ERBIN: variants seen among roughly 807,000 people sequenced by gnomAD.
ERBIN encodes densin-180-like protein.
In ERBIN, 60 loss-of-function variants were observed where a neutral mutation model predicts 158.4. That is an observed-to-expected ratio of 0.38 (90% CI 0.31 to 0.47). The LOEUF (loss-of-function observed/expected upper bound fraction) is 0.47. ERBIN is among the 20% of genes least tolerant of loss of function. ERBIN has a pLI of 0.99. For missense variants in ERBIN, 1,610 were observed against 1,648.0 expected (o/e 0.98, Z 0.40); for synonymous variants, 594 against 557.2 (o/e 1.07, Z -0.93).
intron 19 of ERBIN, among the ~76,000 whole-genome samples, chr5:66,049,165 G>A (rs1758769438): frequency 6.6e-6 from 1 of 152,036 alleles, no homozygotes; most frequent in African/African-American, 2.4e-5. Context: ...TTTTAGCACA[G>A]TACCTTATGT....
intron 21 of ERBIN, among the ~76,000 whole-genome samples, chr5:66,070,126 C>T (rs763448735): frequency 7.9e-5 from 12 of 152,028 alleles, no homozygotes; most frequent in Non-Finnish European, 1.3e-4. Flanking sequence ...CTCACTGCAA[C>T]CTCCGCCTCC....
chr5:65,958,557 C>A (rs1339288120), intron 1 of ERBIN, among the ~76,000 whole-genome samples: 1 of 149,670 alleles, frequency 6.7e-6, no homozygotes, highest in African/African-American at 2.5e-5. Context: ...TTGCAGTGAG[C>A]AGAAATGGCA....
At chr5:66,069,198 T>G (rs1011774278) in intron 21 of ERBIN, among the ~76,000 whole-genome samples, 1 of 152,258 alleles carries the variant, frequency 6.6e-6, no homozygotes, top group Admixed American at 6.5e-5. Context: ...ATTCATTATC[T>G]CCTGAGTTTC....
chr5:65,992,800 G>C lies in ERBIN; in HGVS notation c.82G>C (p.Asp28His). 6.2e-7 allele frequency: 1 copy of C among 1,613,500 alleles called. No individual in the cohort carries two copies. Among genetic ancestry groups the C allele is most frequent in the Non-Finnish European group, 8.5e-7 (1 of 1,179,552 alleles). ...RGEEETVTTL[D>H]YSHCSLEQVP... ...GGAAGAGGAGACTGTCACTACTCTT[G>C]ATTATTCTCATTGCAGCTTAGAACA... The change falls in exon 3 of 26, where the codon GAT (aspartate) becomes CAT (histidine). Residue 28 changes from aspartate (D) to histidine (H), a missense_variant. By Grantham distance (81) the Asp-to-His change is moderately conservative (BLOSUM62 -1). Transcript: ENST00000284037.
At chr5:66,038,230 A>G (rs535915249) in intron 14 of ERBIN, among the ~76,000 whole-genome samples, 153 bp from the exon 15 acceptor site, 220 of 152,286 alleles carry the variant, frequency 1.4e-3, no homozygotes, top group Middle Eastern at 3.4e-3. Flanking sequence ...TATCAAATCA[A>G]TGCCTAAAGT....
chr5:66,017,040 A>G (rs1754821087), intron 7 of ERBIN, among the ~76,000 whole-genome samples: 1 of 151,946 alleles, frequency 6.6e-6, no homozygotes, highest in South Asian at 2.1e-4. Flanking sequence ...AGCCTCTTTT[A>G]TGGCTGAATA....
chr5:66,041,267 A>C (rs1364648257), intron 15 of ERBIN, among the ~76,000 whole-genome samples: 1 of 152,026 alleles, frequency 6.6e-6, no homozygotes, highest in East Asian at 1.9e-4. Context: ...TGTAGTGGTC[A>C]AAGAGGTGGA....
At position 65,960,544 on chromosome 5, in the gene ERBIN, A is replaced by C. The variant is rs139286543; in HGVS notation, c.-57-28091A>C. Reference sequence around the variant, plus strand: ...TCTAGAGATTCTAATTTAATTGGTTAAGGGTGTTGGCCTGGGCATAGATGA... The same window carrying C: ...TCTAGAGATTCTAATTTAATTGGTTCAGGGTGTTGGCCTGGGCATAGATGA... On this transcript the variant is annotated intron_variant, in intron 1 of 25. Coordinates refer to ENST00000284037, the MANE Select transcript of ERBIN (RefSeq NM_001253697.2). 5.3e-3 allele frequency among the ~76,000 whole-genome samples: 812 copies of C among 152,326 alleles called. 8 individuals are homozygous for C. The highest frequency in any genetic ancestry group is 0.01 in the Middle Eastern group (3 of 294).
intron 21 of ERBIN, among the ~76,000 whole-genome samples, chr5:66,070,885 A>G (rs977135229): frequency 2.0e-5 from 3 of 152,326 alleles, no homozygotes; most frequent in African/African-American, 7.2e-5. Flanking sequence ...TAATTTTTCA[A>G]TATGATGATG....
At position 66,054,638 on chromosome 5, in the gene ERBIN, A is replaced by T. The variant is rs201110697; in HGVS notation, c.3320A>T (p.Tyr1107Phe). 5 of 1,614,016 alleles carry T rather than the reference A, an allele frequency of 3.1e-6. No homozygotes were observed. The highest frequency in any genetic ancestry group is 1.7e-5 in the Admixed American group (1 of 59,976). ...ATTCCTGAAGGAGATTATTTATCAT[A>T]CAGAGAGTTCCACTCAGCGGGAAGA... ...AQIPEGDYLS[Y>F]REFHSAGRTP... The change falls in exon 21 of 26, where the codon TAC becomes TTC. Residue 1107 changes from tyrosine to phenylalanine, a missense_variant. Coordinates refer to ENST00000284037, the MANE Select transcript of ERBIN (RefSeq NM_001253697.2).
chr5:65,966,510 G>A (rs1258016253), intron 1 of ERBIN, among the ~76,000 whole-genome samples: 1 of 151,796 alleles, frequency 6.6e-6, no homozygotes, highest in Non-Finnish European at 1.5e-5. Flanking sequence ...GAGAAACCCT[G>A]TCTCTACTAA....
chr5:65,963,988 A>G (rs761690764), intron 1 of ERBIN, among the ~76,000 whole-genome samples: 16 of 151,880 alleles, frequency 1.1e-4, no homozygotes, highest in Non-Finnish European at 2.1e-4. Flanking sequence ...TTTAGTAGAG[A>G]CGGGGTTTCA....
chr5:66,051,779 C>T (rs1361258630), intron 20 of ERBIN, among the ~76,000 whole-genome samples: 1 of 151,782 alleles, frequency 6.6e-6, no homozygotes, highest in Non-Finnish European at 1.5e-5. Flanking sequence ...CCTGTAGTCC[C>T]AGCTACCTGG....
intron 21 of ERBIN, among the ~76,000 whole-genome samples, chr5:66,061,280 C>A (rs923964257): frequency 6.6e-6 from 1 of 152,066 alleles, no homozygotes; most frequent in South Asian, 2.1e-4. Flanking sequence ...TGAATTGATC[C>A]CTTTACCATT....
chr5:65,939,220 C>T (rs922231492), intron 1 of ERBIN, among the ~76,000 whole-genome samples: 12 of 152,072 alleles, frequency 7.9e-5, no homozygotes, highest in Non-Finnish European at 1.3e-4. Context: ...GGGTGGATCA[C>T]GAGGCCAGGA....
intron 1 of ERBIN, among the ~76,000 whole-genome samples, chr5:65,977,114 C>G (rs1489602320): frequency 1.4e-5 from 2 of 143,094 alleles, no homozygotes; most frequent in African/African-American, 5.2e-5. Flanking sequence ...CGCCCCTCAC[C>G]TCCCGGACGG....
chr5:66,005,247 G>A (rs1320151440), intron 4 of ERBIN, among the ~76,000 whole-genome samples: 1 of 152,140 alleles, frequency 6.6e-6, no homozygotes. Context: ...GATCGGATGT[G>A]GGATGTGAGA....
intron 7 of ERBIN, among the ~76,000 whole-genome samples, chr5:66,018,480 T>TTATATAATATATATTATATTATATAA (rs1554058765): frequency 3.5e-3 from 19 of 5,456 alleles, no homozygotes; most frequent in South Asian, 0.015. Flanking sequence ...ATATTATATA[T>TTATATAATATATATTATATTATATAA]TATATATTAT....
intron 5 of ERBIN, among the ~76,000 whole-genome samples, chr5:66,012,824 G>A (rs1042905985): frequency 6.6e-6 from 1 of 152,258 alleles, no homozygotes; most frequent in Admixed American, 6.5e-5. Flanking sequence ...TAGAAGTAAA[G>A]CTAACACACG....
Sources: allele counts gnomAD v4.1 joint callset (sites outside exome capture counted in the v4.1 genomes callset), GRCh38; gene constraint gnomAD v4.1.1; transcripts MANE v1.5; gene names NCBI Gene and HGNC (gene_info 2026-07-23, HGNC 2026-07-21).